EPHA6: variants seen among roughly 807,000 people sequenced by gnomAD.
EPHA6 encodes EPH receptor A6.
In EPHA6, 50 loss-of-function variants were observed where a neutral mutation model predicts 112.0. The observed-to-expected ratio is 0.45, with a 90% CI of 0.36 to 0.56. The LOEUF (loss-of-function observed/expected upper bound fraction) is 0.56. Ranked by LOEUF, EPHA6 falls within the 20% of genes least tolerant of loss-of-function variation. EPHA6 has a pLI of 0.00. For missense variants in EPHA6, 1,280 were observed against 1,417.4 expected, an observed-to-expected ratio of 0.90 and a Z score of 1.56; for synonymous variants, 529 against 490.7, an observed-to-expected ratio of 1.08 and a Z score of -1.03.
chr3:97,596,777 CATATAT>C (rs57541953), intron 12 of EPHA6, among the ~76,000 whole-genome samples: 6,283 of 106,078 alleles, frequency 0.059, 216 homozygotes, highest in African/African-American at 0.092. Flanking sequence ...AACTCATATA[CATATAT>C]ATATATATAT....
intron 6 of EPHA6, among the ~76,000 whole-genome samples, chr3:97,408,970 C>T (rs1170320650): frequency 6.6e-6 from 1 of 152,074 alleles, no homozygotes; most frequent in African/African-American, 2.4e-5. Flanking sequence ...TTGATTTCAA[C>T]CCTCAATCCT....
At chr3:97,727,834 A>G (rs2034843483) in intron 15 of EPHA6, among the ~76,000 whole-genome samples, 2 of 152,056 alleles carry the variant, frequency 1.3e-5, no homozygotes, top group Admixed American at 1.3e-4. Context: ...TACATCTGCT[A>G]CAGAGGCAAG....
intron 1 of EPHA6, among the ~76,000 whole-genome samples, chr3:96,850,501 T>C (rs1367875138): frequency 6.6e-6 from 1 of 152,090 alleles, no homozygotes. Flanking sequence ...AAATGACTAA[T>C]TGGAAGAGGC....
intron 2 of EPHA6, among the ~76,000 whole-genome samples, chr3:96,903,703 A>T (rs990381766): frequency 1.3e-5 from 2 of 152,122 alleles, no homozygotes; most frequent in Non-Finnish European, 2.9e-5. Flanking sequence ...TTTGCAACCT[A>T]CTCATCTGAC....
chr3:97,285,383 A>G (rs2080430260), intron 5 of EPHA6, among the ~76,000 whole-genome samples: 1 of 151,476 alleles, frequency 6.6e-6, no homozygotes, highest in Non-Finnish European at 1.5e-5. Context: ...GCTCTCTCCC[A>G]CTCTTCCTAT....
At chr3:97,453,280 AT>A (rs1271287443) in intron 7 of EPHA6, among the ~76,000 whole-genome samples, 3 of 151,676 alleles carry the variant, frequency 2.0e-5, no homozygotes, top group African/African-American at 7.2e-5. Flanking sequence ...GAAAATTGGA[AT>A]TTTACATGTA....
chr3:96,897,597 A>G (rs2038351046), intron 2 of EPHA6, among the ~76,000 whole-genome samples: 1 of 152,202 alleles, frequency 6.6e-6, no homozygotes, highest in African/African-American at 2.4e-5. Context: ...TTCCTTCTGT[A>G]TAAAACTAAA....
chr3:97,641,588 C>A (rs2094005079), intron 14 of EPHA6, among the ~76,000 whole-genome samples: 1 of 152,206 alleles, frequency 6.6e-6, no homozygotes, highest in Admixed American at 6.5e-5. Flanking sequence ...GTGCAGCGCA[C>A]CATGCGCGAG....
At chr3:97,402,460 G>C (rs1037701360) in intron 5 of EPHA6, among the ~76,000 whole-genome samples, 10 of 151,910 alleles carry the variant, frequency 6.6e-5, no homozygotes, top group Admixed American at 2.0e-4. Context: ...AGCTATTCTT[G>C]CTTGTTTTTG....
chr3:97,496,645 G>GTTCCTTGCTTT (rs2091985612), intron 10 of EPHA6, among the ~76,000 whole-genome samples: 1 of 152,110 alleles, frequency 6.6e-6, no homozygotes, highest in South Asian at 2.1e-4. Context: ...TATCTTAGGT[G>GTTCCTTGCTTT]AATTTGGCTG....
intron 13 of EPHA6, among the ~76,000 whole-genome samples, chr3:97,633,981 G>T (rs1159113606): frequency 6.6e-6 from 1 of 152,032 alleles, no homozygotes; most frequent in African/African-American, 2.4e-5. Flanking sequence ...TTGGTTAAAT[G>T]ACCTTAGAAG....
intron 2 of EPHA6, among the ~76,000 whole-genome samples, chr3:96,941,873 T>C (rs1240072005): frequency 1.3e-5 from 2 of 152,220 alleles, no homozygotes; most frequent in Non-Finnish European, 2.9e-5. Context: ...CTCCAGACCC[T>C]GTTTGCCTGG....
intron 3 of EPHA6, among the ~76,000 whole-genome samples, chr3:97,150,511 T>C (rs2076146471): frequency 6.6e-6 from 1 of 152,118 alleles, no homozygotes. Flanking sequence ...TTCTGCAAGC[T>C]CAGGGTTCCG....
At chr3:97,601,930 T>C (rs1236388897) in intron 12 of EPHA6, among the ~76,000 whole-genome samples, 3 of 152,096 alleles carry the variant, frequency 2.0e-5, no homozygotes, top group African/African-American at 7.2e-5. Flanking sequence ...TATTTGAACA[T>C]TTATTTAATA....
intron 5 of EPHA6, among the ~76,000 whole-genome samples, chr3:97,272,567 C>T (rs945566536): frequency 5.3e-5 from 8 of 150,678 alleles, no homozygotes; most frequent in Middle Eastern, 6.8e-3. Flanking sequence ...AGAGAGTCAG[C>T]GAAGGGAGCT....
rs2036126294 is a variant in EPHA6, at chr3:97,760,292, A to G, written c.*11591A>G. 5.8e-6 allele frequency: 1 copy of G among 173,472 alleles called. No homozygotes were observed. The highest frequency in any genetic ancestry group is 9.9e-5 in the East Asian group (1 of 10,150). The allele number at this position is 173,472 out of a possible 1,614,324, so 10.7% of individuals were successfully genotyped here. ...TCATTGTGCCCCTCTATCCTATAGG[A>G]AGAATGTGATCTTTTAATTGTGCTT... On this transcript the variant is annotated 3_prime_UTR_variant, in exon 18 of 18. Coordinates refer to ENST00000389672, the MANE Select transcript of EPHA6 (RefSeq NM_001080448.3).
At chr3:97,411,538 G>A (rs2087718207) in intron 6 of EPHA6, among the ~76,000 whole-genome samples, 1 of 152,042 alleles carries the variant, frequency 6.6e-6, no homozygotes, top group African/African-American at 2.4e-5. Context: ...GCTGCATTTA[G>A]TGTATTAAAG....
At chr3:96,980,401 A>G (rs908840187) in intron 2 of EPHA6, among the ~76,000 whole-genome samples, 2 of 142,858 alleles carry the variant, frequency 1.4e-5, no homozygotes, top group Non-Finnish European at 3.1e-5. Context: ...GTTCTGTTCC[A>G]TTGGTCTATA....
At chr3:97,339,340 C>A (rs989430907) in intron 5 of EPHA6, among the ~76,000 whole-genome samples, 1 of 152,206 alleles carries the variant, frequency 6.6e-6, no homozygotes, top group Non-Finnish European at 1.5e-5. Context: ...CCAAAGATTG[C>A]ATCATCCTGG....
Sources: gnomAD v4.1 joint callset for allele counts (sites outside exome capture counted in the v4.1 genomes callset) on GRCh38, gnomAD v4.1.1 for gene constraint, MANE v1.5 for transcripts, NCBI Gene and HGNC (gene_info 2026-07-23, HGNC 2026-07-21) for gene names.